NTRK3: variants seen among roughly 807,000 people sequenced by gnomAD.
The protein encoded by NTRK3 is neurotrophic receptor tyrosine kinase 3, also known as NT-3 growth factor receptor.
In NTRK3, 24 loss-of-function variants were observed where a neutral mutation model predicts 91.7. That is an observed-to-expected ratio of 0.26 (90% confidence interval 0.19 to 0.37). The LOEUF is 0.37. Ranked by LOEUF, NTRK3 falls within the 10% of genes least tolerant of loss-of-function variation. The pLI, the probability that NTRK3 is intolerant of heterozygous loss-of-function variation, is 1.00. For missense variants in NTRK3, 880 were observed against 1,068.9 expected, an observed-to-expected ratio of 0.82 and a Z score of 2.46; for synonymous variants, 483 against 404.0, an observed-to-expected ratio of 1.20 and a Z score of -2.34.
intron 14 of NTRK3, among the ~76,000 whole-genome samples, chr15:88,010,327 G>A (rs1454507823): frequency 6.6e-6 from 1 of 152,122 alleles, no homozygotes; most frequent in Admixed American, 6.6e-5. Context: ...CCAGTCCAGG[G>A]TCCTGGCTTG....
chr15:87,939,635 G>C (rs76454584), intron 15 of NTRK3, among the ~76,000 whole-genome samples: 1 of 152,138 alleles, frequency 6.6e-6, no homozygotes, highest in Non-Finnish European at 1.5e-5. Context: ...ACCATTGTGA[G>C]GTCTGGGTGA....
chr15:88,044,845 A>G lies in NTRK3; in HGVS notation c.1397-11800T>C, dbSNP rs564319338. 3.3e-3 allele frequency among the ~76,000 whole-genome samples: 501 copies of G among 152,266 alleles called. 8 individuals carry two copies. The highest frequency in any genetic ancestry group is 2.6e-3 in the Non-Finnish European group (179 of 68,024). On this transcript the variant is annotated intron_variant, in intron 13 of 18. Transcript: ENST00000394480. ...CCCTATCATCTTATATCAGACAAAG[A>G]GGTACTTTCCCTTTTATTAGAAAAT...
chr15:88,232,442 G>A (rs1304327101), intron 3 of NTRK3, among the ~76,000 whole-genome samples: 3 of 152,170 alleles, frequency 2.0e-5, no homozygotes, highest in Admixed American at 1.3e-4. Flanking sequence ...GAAGTGAAGT[G>A]GATTGAATTG....
chr15:88,135,905 C>T (rs1041769350), exon 9 of NTRK3: 6 of 1,614,048 alleles, frequency 3.7e-6, no homozygotes, highest in African/African-American at 2.7e-5. Context: ...TTACAGTAGA[C>T]AGTGAGGGCA....
chr15:88,181,885 G>A (rs2046497507), intron 5 of NTRK3, among the ~76,000 whole-genome samples: 1 of 152,212 alleles, frequency 6.6e-6, no homozygotes, highest in African/African-American at 2.4e-5. Flanking sequence ...TGTGACCCTT[G>A]TATGAATTAC....
At chr15:88,070,517 C>T (rs2047007673) in intron 13 of NTRK3, among the ~76,000 whole-genome samples, 1 of 152,142 alleles carries the variant, frequency 6.6e-6, no homozygotes, top group African/African-American at 2.4e-5. Context: ...GCTTTGCTTC[C>T]TTCAATTAGA....
chr15:87,868,760 C>G (rs897922880), exon 19 of NTRK3: 2 of 223,134 alleles, frequency 9.0e-6, no homozygotes, highest in Non-Finnish European at 8.9e-6. Flanking sequence ...CATTCTGGAG[C>G]CAACCACTCC....
chr15:88,093,082 T>C (rs182392944), intron 13 of NTRK3, among the ~76,000 whole-genome samples: 2 of 151,532 alleles, frequency 1.3e-5, no homozygotes, highest in South Asian at 4.2e-4. Context: ...TTGTTTTTTT[T>C]TTTTTGTTGG....
At chr15:88,152,022 C>T (rs1359623627) in intron 5 of NTRK3, among the ~76,000 whole-genome samples, 2 of 152,138 alleles carry the variant, frequency 1.3e-5, no homozygotes, top group African/African-American at 2.4e-5. Context: ...CTTACCCAGC[C>T]GGGCGCCGTG....
At chr15:88,242,083 G>A (rs933297160) in intron 3 of NTRK3, among the ~76,000 whole-genome samples, 1 of 152,162 alleles carries the variant, frequency 6.6e-6, no homozygotes, top group African/African-American at 2.4e-5. Flanking sequence ...GGAAGAGCAC[G>A]TAGCCACCTG....
At chr15:88,239,052 A>C (rs1477651394) in intron 3 of NTRK3, among the ~76,000 whole-genome samples, 1 of 152,246 alleles carries the variant, frequency 6.6e-6, no homozygotes, top group Admixed American at 6.5e-5. Context: ...TACAGTGCTT[A>C]ACACACAGCA....
At chr15:87,922,433 C>T (rs182523352) in intron 17 of NTRK3, among the ~76,000 whole-genome samples, 1 of 152,310 alleles carries the variant, frequency 6.6e-6, no homozygotes, top group East Asian at 1.9e-4. Flanking sequence ...CTCCAGAGCT[C>T]TCATATTGTT....
intron 3 of NTRK3, among the ~76,000 whole-genome samples, chr15:88,231,923 A>AT (rs891480542): frequency 3.3e-5 from 5 of 152,002 alleles, no homozygotes; most frequent in Admixed American, 2.6e-4. Flanking sequence ...AGATACTTAA[A>AT]TTTTTTTTGA....
chr15:88,164,282 G>A (rs1205619057), intron 5 of NTRK3, among the ~76,000 whole-genome samples: 1 of 152,194 alleles, frequency 6.6e-6, no homozygotes, highest in Non-Finnish European at 1.5e-5. Flanking sequence ...TCCAAGACAG[G>A]CACTCTTGCC....
chr15:88,222,809 G>A (rs959593541), intron 3 of NTRK3, among the ~76,000 whole-genome samples: 2 of 152,192 alleles, frequency 1.3e-5, no homozygotes, highest in South Asian at 2.1e-4. Flanking sequence ...ATCACCCTAG[G>A]AGGCAAGTAC....
At chr15:88,210,768 G>A (rs561392066) in intron 3 of NTRK3, among the ~76,000 whole-genome samples, 4 of 152,222 alleles carry the variant, frequency 2.6e-5, no homozygotes, top group South Asian at 2.1e-4. Context: ...ATGAAAACTC[G>A]TCCTAAAAAG....
At chr15:88,068,835 G>A (rs369072807) in intron 13 of NTRK3, among the ~76,000 whole-genome samples, 33 of 152,244 alleles carry the variant, frequency 2.2e-4, no homozygotes, top group African/African-American at 6.3e-4. Flanking sequence ...GCTAACAATG[G>A]GGTTTGTCTC....
chr15:88,190,425 G>T (rs189616065), intron 3 of NTRK3, among the ~76,000 whole-genome samples: 6 of 152,286 alleles, frequency 3.9e-5, no homozygotes. Context: ...TAATGAGCCT[G>T]CCAGGCTGTA....
intron 13 of NTRK3, among the ~76,000 whole-genome samples, chr15:88,115,905 A>G (rs1182401191): frequency 6.6e-6 from 1 of 152,044 alleles, no homozygotes; most frequent in Non-Finnish European, 1.5e-5. Context: ...GGGGCCTGCC[A>G]GCACAAGCTT....
Sources: gnomAD v4.1 joint callset for allele counts (sites outside exome capture counted in the v4.1 genomes callset) on GRCh38, gnomAD v4.1.1 for gene constraint, MANE v1.5 for transcripts, NCBI Gene and HGNC (gene_info 2026-07-23, HGNC 2026-07-21) for gene names.